FUNDC2: variants seen among roughly 807,000 people sequenced by gnomAD.
FUNDC2 encodes the protein FUN14 domain containing 2.
In FUNDC2, 4 loss-of-function variants were observed where a neutral mutation model predicts 15.6. The observed-to-expected ratio is 0.26, with a 90% CI of 0.13 to 0.59. The LOEUF is 0.59. FUNDC2 is among the 20% of genes least tolerant of loss of function. FUNDC2 has a pLI of 0.90. For missense variants in FUNDC2, 98 were observed against 149.7 expected (o/e 0.65, Z 1.80); for synonymous variants, 44 against 56.9 (o/e 0.77, Z 1.02).
intron 4 of FUNDC2, 148 bp downstream of exon 4, chrX:155,051,949 C>A: frequency 1.9e-6 from 1 of 525,979 alleles, no homozygotes; most frequent in Non-Finnish European, 3.0e-6. Context: ...GGATTATCAT[C>A]ACTTCAGAAC....
At chrX:155,032,337 A>G (rs1603438445) in intron 1 of FUNDC2, among the ~76,000 whole-genome samples, 1 of 90,085 alleles carries the variant, frequency 1.1e-5, no homozygotes, top group East Asian at 3.4e-4. Flanking sequence ...CGCAGGCTAG[A>G]GTGCAGTGGT....
In FUNDC2 at chrX:155,057,887, G is replaced by C. The variant is rs1400581899; in HGVS notation, c.*3215G>C. 9.0e-6 allele frequency: 1 copy of C among 111,548 alleles called. No individual in the cohort carries two copies. Among genetic ancestry groups the C allele is most frequent in the Non-Finnish European group, 1.9e-5 (1 of 53,033 alleles). 9.2% of individuals were successfully genotyped at this position (111,548 alleles called of 1,213,427 possible). On this transcript the variant is annotated 3_prime_UTR_variant, in exon 5 of 5. Coordinates refer to ENST00000369498, the MANE Select transcript of FUNDC2 (RefSeq NM_023934.4). ...CACTTTCTGGCCGCTGCCTGCTCGG[G>C]CTCAACAGATGGAGTCCAATGTTTC...
rs1248285981 is a variant in FUNDC2 at position 155,057,257 on chromosome X, G to C, written c.*2585G>C. On this transcript the variant is annotated 3_prime_UTR_variant, in exon 5 of 5. Transcript: ENST00000369498. ...AGTTTTGTTTCAGGTGGTGAAGTGG[G>C]AGTTAAGGTTTCCCCCAAAAGAACA... The C allele has an allele frequency of 9.0e-6, 1 of 111,650 alleles. No homozygotes were observed. Among genetic ancestry groups the C allele is most frequent in the Non-Finnish European group, 1.9e-5 (1 of 53,013 alleles). 9.2% of individuals were successfully genotyped at this position (111,650 alleles called of 1,213,427 possible).
intron 1 of FUNDC2, among the ~76,000 whole-genome samples, chrX:155,028,118 G>GACTTTTATAAGAGCAGACTGCTCTTATAT (rs1557288459): frequency 9.0e-6 from 1 of 111,456 alleles, no homozygotes. Context: ...TGCTCTTATA[G>GACTTTTATAAGAGCAGACTGCTCTTATAT]GTTGATCAGG....
At chrX:155,037,416 A>G (rs1557289247) in intron 2 of FUNDC2, among the ~76,000 whole-genome samples, 1 of 111,247 alleles carries the variant, frequency 9.0e-6, no homozygotes, top group African/African-American at 3.3e-5. Flanking sequence ...TTAACAGAAA[A>G]TGATACAGAT....
chrX:155,031,454 C>T (rs1557288732), intron 1 of FUNDC2, among the ~76,000 whole-genome samples: 2 of 111,520 alleles, frequency 1.8e-5, no homozygotes, highest in South Asian at 3.8e-4. Context: ...CCCAGCCTCC[C>T]GAGTAGCTGG....
chrX:155,046,087 C>A (rs1270102683), intron 2 of FUNDC2, among the ~76,000 whole-genome samples: 1 of 110,203 alleles, frequency 9.1e-6, no homozygotes, highest in Admixed American at 9.7e-5. Context: ...TTGCAACCAT[C>A]CTGTCCTCAA....
chrX:155,054,382 AC>A lies in FUNDC2; in HGVS notation c.493-212del, dbSNP rs2073887430. 6 of 749,346 alleles carry A rather than the reference AC, an allele frequency of 8.0e-6. No individual in the cohort carries two copies. The South Asian group carries it at 4.1e-4, about 51-fold the overall frequency. The allele number at this position is 749,346 out of a possible 1,213,427, so 61.8% of individuals were successfully genotyped here. A position where few individuals can be genotyped will look rare whatever the true frequency, so the allele number is the denominator to read the frequency against. ...GGCTCCCTCTAGTCTTATTCTCCCC[AC>A]ACCAGCCAGTAGTCATTTTCATATG... On this transcript the variant is annotated intron_variant, in intron 4 of 4. Coordinates refer to ENST00000369498, the MANE Select transcript of FUNDC2 (RefSeq NM_023934.4).
chrX:155,034,069 A>G (rs2073823902), intron 2 of FUNDC2, among the ~76,000 whole-genome samples: 1 of 112,941 alleles, frequency 8.9e-6, no homozygotes, highest in East Asian at 2.8e-4. Context: ...TAGCAAATAT[A>G]GAACAGCACA....
chrX:155,051,440 A>G, intron 3 of FUNDC2: 1 of 370,356 alleles, frequency 2.7e-6, no homozygotes, highest in South Asian at 4.1e-5. Flanking sequence ...TTGTAAGAGT[A>G]TAAATAATTT....
At chrX:155,035,820 C>T (rs1489018350) in intron 2 of FUNDC2, among the ~76,000 whole-genome samples, 3 of 112,220 alleles carry the variant, frequency 2.7e-5, no homozygotes, top group African/African-American at 9.7e-5. Flanking sequence ...TTGAGATAAT[C>T]TGTGCTTTTC....
At chrX:155,039,847 T>A (rs1019946278) in intron 2 of FUNDC2, among the ~76,000 whole-genome samples, 1 of 112,081 alleles carries the variant, frequency 8.9e-6, no homozygotes, top group East Asian at 2.8e-4. Flanking sequence ...TACTTCCATG[T>A]GAATTTTAGG....
At chrX:155,053,873 GTC>G (rs781937330) in intron 4 of FUNDC2, 2 of 750,537 alleles carry the variant, frequency 2.7e-6, no homozygotes, top group East Asian at 1.5e-4. Context: ...TATCAAAATT[GTC>G]TCTGAAATTG....
In FUNDC2 at chrX:155,058,200, G is replaced by A. The variant is rs1319963455; in HGVS notation, c.*3528G>A. On this transcript the variant is annotated 3_prime_UTR_variant, in exon 5 of 5. Transcript: ENST00000369498. ...GGCAGTTACTGTCTCATGGATGCTGGCAGAAGACGATTCAAGTTGGCGGAC... is the reference window on the plus strand; with the variant it reads ...GGCAGTTACTGTCTCATGGATGCTGACAGAAGACGATTCAAGTTGGCGGAC... 5 of 111,379 alleles carry A rather than the reference G, an allele frequency of 4.5e-5. No individual in the cohort carries two copies. The highest frequency in any genetic ancestry group is 1.6e-4 in the African/African-American group (5 of 30,568). The allele number at this position is 111,379 out of a possible 1,213,427, so 9.2% of individuals were successfully genotyped here.
intron 2 of FUNDC2, among the ~76,000 whole-genome samples, chrX:155,042,087 G>A (rs140561221): frequency 0.085 from 6,234 of 73,622 alleles, 354 homozygotes; most frequent in South Asian, 0.33. Flanking sequence ...AAAAAAAAAA[G>A]AAAAAAAAGA....
intron 2 of FUNDC2, among the ~76,000 whole-genome samples, chrX:155,038,623 C>T (rs191935965): frequency 8.9e-6 from 1 of 112,120 alleles, no homozygotes; most frequent in Admixed American, 9.4e-5. Context: ...CTTTCTGTGC[C>T]TGACTTATTT....
rs1220487455 is a variant in FUNDC2 at position 155,057,059 on chromosome X, C to CTG, written c.*2390_*2391dup. 3.1e-5 allele frequency: 3 copies of CTG among 98,359 alleles called. No individual in the cohort carries two copies. Among genetic ancestry groups the CTG allele is most frequent in the Non-Finnish European group, 4.4e-5 (2 of 44,947 alleles). The allele number at this position is 98,359 out of a possible 1,213,427, so 8.1% of individuals were successfully genotyped here. A position where few individuals can be genotyped will look rare whatever the true frequency, so the allele number is the denominator to read the frequency against. ...CCTCATCCTGCTAGTATGAGAACGG[C>CTG]TGTGAGTTCTGCCCACGGTGTGAGG... is the stretch of plus-strand genomic sequence containing the variant. On this transcript the variant is annotated 3_prime_UTR_variant, in exon 5 of 5. Coordinates refer to ENST00000369498, the MANE Select transcript of FUNDC2 (RefSeq NM_023934.4).
chrX:155,051,775 A>G lies in FUNDC2; in HGVS notation c.466A>G (p.Thr156Ala), dbSNP rs2073880277. Residue 156 changes from threonine (T) to alanine (A), a missense_variant, in exon 4 of 5, where the codon ACT becomes GCT. Transcript: ENST00000369498. ...LKIRKSNQIP[T>A]EVRSKAEEVV... ...GATCCGTAAGAGCAATCAGATACCT[A>G]CTGAGGTCAGGAGCAAAGCTGAGGA... 8.3e-7 allele frequency: 1 copy of G among 1,211,326 alleles called. No individual in the cohort carries two copies. The highest frequency in any genetic ancestry group is 1.1e-6 in the Non-Finnish European group (1 of 894,889).
Position 155,033,653 on chromosome X carries a change from C to T in FUNDC2, c.284+100C>T. ...TTAACCAGTGAAAACACATTGGCTT[C>T]TGTGAAATTGGTCACTTAATGTGGA... On this transcript the variant is annotated intron_variant, in intron 2 of 4. Transcript: ENST00000369498. 4.9e-6 allele frequency: 4 copies of T among 812,612 alleles called. No homozygotes were observed. The Admixed American group carries it at 7.6e-5, about 16-fold the overall frequency. The allele number at this position is 812,612 out of a possible 1,213,427, so 67.0% of individuals were successfully genotyped here. A position where few individuals can be genotyped will look rare whatever the true frequency, so the allele number is the denominator to read the frequency against.
Sources: gnomAD v4.1 joint callset for allele counts (sites outside exome capture counted in the v4.1 genomes callset) on GRCh38, gnomAD v4.1.1 for gene constraint, MANE v1.5 for transcripts, NCBI Gene and HGNC (gene_info 2026-07-23, HGNC 2026-07-21) for gene names.